ADGRL2: variants seen among roughly 807,000 people sequenced by gnomAD.
ADGRL2 encodes the protein adhesion G protein-coupled receptor L2.
In ADGRL2, 44 loss-of-function variants were observed where a neutral mutation model predicts 157.4. That is an observed-to-expected ratio of 0.28 (90% CI 0.22 to 0.36). The LOEUF is 0.36. Among genes scored for constraint, ADGRL2 ranks in the 10% least tolerant of loss-of-function variants. The pLI, the probability that ADGRL2 is intolerant of heterozygous loss-of-function variation, is 1.00. For missense variants in ADGRL2, 1,510 were observed against 1,768.9 expected (o/e 0.85, Z 2.63); for synonymous variants, 585 against 624.7 (o/e 0.94, Z 0.95).
At chr1:81,314,970 C>T (rs1405306122) in intron 1 of ADGRL2, among the ~76,000 whole-genome samples, 4 of 152,164 alleles carry the variant, frequency 2.6e-5, no homozygotes, top group Non-Finnish European at 5.9e-5. Context: ...AGCATTTGGT[C>T]TTTGCAACTC....
At chr1:81,423,660 A>G (rs1299458811) in intron 1 of ADGRL2, among the ~76,000 whole-genome samples, 1 of 152,202 alleles carries the variant, frequency 6.6e-6, no homozygotes, top group Non-Finnish European at 1.5e-5. Flanking sequence ...TATTTCCCTA[A>G]TAATGTTATA....
chr1:81,447,365 G>A (rs374884539), intron 2 of ADGRL2, among the ~76,000 whole-genome samples: 3 of 152,166 alleles, frequency 2.0e-5, no homozygotes, highest in African/African-American at 7.2e-5. Flanking sequence ...TAATACTTCA[G>A]AAATTCAGGA....
chr1:81,811,417 C>G (rs1394721367), intron 1 of ADGRL2, among the ~76,000 whole-genome samples: 1 of 151,402 alleles, frequency 6.6e-6, no homozygotes, highest in Non-Finnish European at 1.5e-5. Context: ...ATGTTGGAAC[C>G]GAGACATTTT....
chr1:81,413,924 G>T (rs563024486), intron 1 of ADGRL2, among the ~76,000 whole-genome samples: 1 of 152,290 alleles, frequency 6.6e-6, no homozygotes, highest in East Asian at 1.9e-4. Context: ...AAGGGGAAAA[G>T]GAGTCCTATT....
At chr1:81,707,880 A>C (rs200519852) in intron 1 of ADGRL2, among the ~76,000 whole-genome samples, 1 of 152,136 alleles carries the variant, frequency 6.6e-6, no homozygotes, top group East Asian at 1.9e-4. Context: ...GAATATAATT[A>C]TGTTTTTACC....
chr1:81,339,972 A>G (rs1351788474), intron 1 of ADGRL2, among the ~76,000 whole-genome samples: 1 of 152,194 alleles, frequency 6.6e-6, no homozygotes, highest in African/African-American at 2.4e-5. Flanking sequence ...GTTTACCTGT[A>G]TCTCTTGACC....
intron 1 of ADGRL2, among the ~76,000 whole-genome samples, chr1:81,824,953 C>CTCTCTCTA (rs2091319300): frequency 7.7e-6 from 1 of 129,318 alleles, no homozygotes; most frequent in Non-Finnish European, 1.7e-5. Context: ...ATTCTCCTCT[C>CTCTCTCTA]TCTCTCTCTC....
chr1:81,560,491 T>A (rs895435766), intron 2 of ADGRL2, among the ~76,000 whole-genome samples: 18 of 152,290 alleles, frequency 1.2e-4, no homozygotes, highest in Non-Finnish European at 2.1e-4. Flanking sequence ...CAGCGTCCAA[T>A]AGGCAACAGC....
intron 3 of ADGRL2, among the ~76,000 whole-genome samples, chr1:81,584,957 C>T (rs2080994649): frequency 6.6e-6 from 1 of 152,090 alleles, no homozygotes; most frequent in Non-Finnish European, 1.5e-5. Context: ...TGACAAGCCA[C>T]TAAAGCTGGA....
At chr1:81,349,586 T>C (rs1662727244) in intron 1 of ADGRL2, among the ~76,000 whole-genome samples, 1 of 139,564 alleles carries the variant, frequency 7.2e-6, no homozygotes, top group South Asian at 2.5e-4. Context: ...CACCAATCTC[T>C]TTTAAAAGTC....
intron 1 of ADGRL2, among the ~76,000 whole-genome samples, chr1:81,804,681 C>CT (rs1179062758): frequency 1.3e-5 from 2 of 152,172 alleles, no homozygotes; most frequent in Non-Finnish European, 2.9e-5. Flanking sequence ...AAAGAGTGAC[C>CT]TTTTGTTTTA....
rs146256463 is a variant in ADGRL2 at position 81,681,008 on chromosome 1, G to C, written c.-142-80803G>C. The stretch of plus-strand genomic sequence containing the variant: ...AAACTATAATACATCTTCCCTCCAA[G>C]GATAAGCACTATAGTAAGACCTAGG... On this transcript the variant is annotated intron_variant, in intron 3 of 24. Transcript: ENST00000370721. Among the ~76,000 whole-genome samples the C allele has an allele frequency of 4.8e-4, 73 of 152,234 alleles. 1 individual carries two copies. Among genetic ancestry groups the C allele is most frequent in the African/African-American group, 1.6e-3 (66 of 41,530 alleles).
chr1:81,347,664 A>T lies in ADGRL2; in HGVS notation c.-302+41155A>T, dbSNP rs533476655. ...TAATCAAAAAGGAATCAGAACTTGG[A>T]TATTTAGAAAATTCTTCATATTGCA... On this transcript the variant is annotated intron_variant, in intron 1 of 24. Coordinates refer to the ADGRL2 transcript ENST00000370721. Among the ~76,000 whole-genome samples the T allele has an allele frequency of 7.9e-5, 12 of 152,340 alleles. No individual in the cohort carries two copies. In the South Asian group the frequency reaches 2.5e-3, roughly 32 times the overall value.
At chr1:81,579,662 T>A (rs1344918447) in intron 2 of ADGRL2, among the ~76,000 whole-genome samples, 1 of 152,164 alleles carries the variant, frequency 6.6e-6, no homozygotes, top group African/African-American at 2.4e-5. Context: ...CTGAAGGGTG[T>A]TCAGAATATG....
chr1:81,835,783 G>C (rs905606857), intron 1 of ADGRL2, among the ~76,000 whole-genome samples: 2 of 152,082 alleles, frequency 1.3e-5, no homozygotes, highest in African/African-American at 4.8e-5. Context: ...CCTTAGGGAA[G>C]CATTTACATC....
intron 1 of ADGRL2, among the ~76,000 whole-genome samples, chr1:81,367,423 A>G (rs1297887268): frequency 2.0e-5 from 3 of 152,068 alleles, no homozygotes; most frequent in Admixed American, 2.0e-4. Flanking sequence ...CCATGTGTCC[A>G]TGTGTTCTCA....
chr1:81,938,518 G>A (rs975701004), intron 4 of ADGRL2, among the ~76,000 whole-genome samples: 1 of 151,754 alleles, frequency 6.6e-6, no homozygotes, highest in Non-Finnish European at 1.5e-5. Flanking sequence ...AGTATTGTAC[G>A]TTGTGCACTA....
chr1:81,598,063 GTACTTCTGGTTTGCA>G (rs1227888722), intron 3 of ADGRL2, among the ~76,000 whole-genome samples: 1 of 152,142 alleles, frequency 6.6e-6, no homozygotes, highest in Non-Finnish European at 1.5e-5. Context: ...CAACTGTAGT[GTACTTCTGGTTTGCA>G]TTTTTTGGTA....
intron 2 of ADGRL2, among the ~76,000 whole-genome samples, chr1:81,510,357 C>T (rs574663210): frequency 1.3e-5 from 2 of 152,072 alleles, no homozygotes; most frequent in East Asian, 1.9e-4. Context: ...ATTTTTTCAT[C>T]GTAAGGATGG....
Sources: gnomAD v4.1 joint callset for allele counts (sites outside exome capture counted in the v4.1 genomes callset) on GRCh38, gnomAD v4.1.1 for gene constraint, MANE v1.5 for transcripts, NCBI Gene and HGNC (gene_info 2026-07-23, HGNC 2026-07-21) for gene names.